The following SLC5A11 variants were observed in gnomAD, a reference collection of about 807,000 sequenced individuals.
SLC5A11 encodes the protein sodium/myo-inositol cotransporter 2.
SLC5A11 carries 48 observed loss-of-function variants against 69.8 expected under a neutral mutation model. That is an observed-to-expected ratio of 0.69 (90% CI 0.55 to 0.87). The LOEUF (loss-of-function observed/expected upper bound fraction) is 0.87, where lower values mean the gene tolerates loss of function less well. Ranked by LOEUF, SLC5A11 falls within the 40% of genes least tolerant of loss-of-function variation. The pLI, the probability that SLC5A11 is intolerant of heterozygous loss-of-function variation, is 0.00. For synonymous variants in SLC5A11, 319 were observed against 342.4 expected (o/e 0.93, Z 0.75); for missense variants, 784 against 866.1 (o/e 0.91, Z 1.19).
chr16:24,872,692 T>C (rs2047383147), intron 5 of SLC5A11, among the ~76,000 whole-genome samples: 1 of 151,338 alleles, frequency 6.6e-6, no homozygotes, highest in Non-Finnish European at 1.5e-5. Flanking sequence ...TTTGCATTTT[T>C]TTTTTAGTAG....
intron 3 of SLC5A11, among the ~76,000 whole-genome samples, chr16:24,865,460 G>A (rs534539625): frequency 2.2e-4 from 34 of 152,304 alleles, no homozygotes; most frequent in African/African-American, 7.5e-4. Flanking sequence ...AGGAGGCTGA[G>A]GCAGGAGAAT....
intron 8 of SLC5A11, among the ~76,000 whole-genome samples, chr16:24,888,617 G>A (rs2048553109): frequency 6.7e-6 from 1 of 149,808 alleles, no homozygotes; most frequent in Non-Finnish European, 1.5e-5. Context: ...CCAAGTAGCT[G>A]GGACTACAGG....
At chr16:24,891,155 C>A in intron 9 of SLC5A11, 81 bp downstream of exon 10, 6 of 1,373,498 alleles carry the variant, frequency 4.4e-6, no homozygotes, top group Non-Finnish European at 6.1e-6. Context: ...CTTTTTTCTT[C>A]CTCCATCTCT....
intron 13 of SLC5A11, 42 bp downstream of exon 14, chr16:24,908,173 C>G: frequency 6.6e-7 from 1 of 1,524,644 alleles, no homozygotes; most frequent in East Asian, 2.3e-5. Flanking sequence ...CCAAGTGCTG[C>G]CCCTTGAGGA....
chr16:24,905,269 C>CAAAAA (rs34703027), intron 10 of SLC5A11, among the ~76,000 whole-genome samples: 3 of 80,428 alleles, frequency 3.7e-5, no homozygotes, highest in Admixed American at 1.7e-4. Context: ...ACTAAAAATA[C>CAAAAA]AAAAAAAAAA....
intron 9 of SLC5A11, among the ~76,000 whole-genome samples, chr16:24,897,553 C>T (rs1433336510): frequency 6.6e-6 from 1 of 152,112 alleles, no homozygotes; most frequent in Non-Finnish European, 1.5e-5. Flanking sequence ...CCCCGTTTGC[C>T]TTAAGAGAAA....
intron 7 of SLC5A11, among the ~76,000 whole-genome samples, chr16:24,878,199 A>G (rs1301047351): frequency 2.6e-5 from 4 of 152,226 alleles, no homozygotes; most frequent in East Asian, 1.9e-4. Flanking sequence ...CCACAATGGC[A>G]TAATGTTTTT....
intron 7 of SLC5A11, among the ~76,000 whole-genome samples, chr16:24,880,623 C>T (rs567580962): frequency 1.3e-5 from 2 of 152,228 alleles, no homozygotes; most frequent in South Asian, 2.1e-4. Flanking sequence ...CATGAGCCAC[C>T]GTGCCTGGCC....
intron 4 of SLC5A11, among the ~76,000 whole-genome samples, chr16:24,870,902 G>A (rs919620876): frequency 2.6e-5 from 4 of 151,600 alleles, no homozygotes; most frequent in African/African-American, 4.8e-5. Context: ...GACGTCAATC[G>A]GCCATCACAA....
chr16:24,867,954 C>T (rs984640712), intron 3 of SLC5A11, among the ~76,000 whole-genome samples: 11 of 151,656 alleles, frequency 7.3e-5, no homozygotes, highest in African/African-American at 1.9e-4. Context: ...CTGGGCAACA[C>T]GGTGAAACCC....
rs193201573 is a variant in SLC5A11, at chr16:24,907,114, A to G, written c.1204A>G (p.Met402Val). The stretch of plus-strand genomic sequence containing the variant: ...TAACAGTGCCAGCACCATCTTCACC[A>G]TGGACCTCTGGAATCACCTCCGGCC... Residue 402 changes from methionine to valine, a missense_variant, in exon 12 of 16, where the codon ATG becomes GTG. Physicochemically the swap from Met to Val is conservative, Grantham distance 21. Coordinates refer to ENST00000347898, the Ensembl canonical transcript of SLC5A11. The G allele has an allele frequency of 3.0e-5, 48 of 1,613,978 alleles. No individual in the cohort carries two copies. In the Admixed American group the frequency reaches 3.8e-4, roughly 13 times the overall value.
intron 1 of SLC5A11, among the ~76,000 whole-genome samples, chr16:24,854,502 T>G: frequency 6.6e-6 from 1 of 151,856 alleles, no homozygotes; most frequent in East Asian, 1.9e-4. Flanking sequence ...TAATCACAGC[T>G]CACTGCAACC....
intron 10 of SLC5A11, 103 bp downstream of exon 11, chr16:24,898,212 T>C (rs1372177045): frequency 1.4e-6 from 2 of 1,396,208 alleles, no homozygotes; most frequent in African/African-American, 1.4e-5. Context: ...GTGACTACAG[T>C]CCTTTCTCTC....
intron 1 of SLC5A11, among the ~76,000 whole-genome samples, chr16:24,854,205 G>A (rs8052600): frequency 6.6e-6 from 1 of 152,044 alleles, no homozygotes; most frequent in Non-Finnish European, 1.5e-5. Context: ...TCCTCCCTCT[G>A]CCCCACTCCC....
chr16:24,873,826 AT>A (rs59598384), intron 5 of SLC5A11, among the ~76,000 whole-genome samples: 19,211 of 138,044 alleles, frequency 0.14, 1,453 homozygotes, highest in Non-Finnish European at 0.19. Context: ...AACTGGAGTA[AT>A]TTTTTTTTTT....
chr16:24,867,410 A>G (rs1349529327), intron 3 of SLC5A11, among the ~76,000 whole-genome samples: 2 of 152,202 alleles, frequency 1.3e-5, no homozygotes, highest in Non-Finnish European at 2.9e-5. Context: ...CCCATATTAA[A>G]AAAGAAGAAA....
intron 1 of SLC5A11, among the ~76,000 whole-genome samples, chr16:24,854,591 AC>A (rs145170492): frequency 0.012 from 1,885 of 152,016 alleles, 42 homozygotes; most frequent in African/African-American, 0.043. Flanking sequence ...CACCACACCC[AC>A]CTAAAAAAAT....
intron 1 of SLC5A11, among the ~76,000 whole-genome samples, chr16:24,853,470 G>A (rs1192798213): frequency 6.6e-6 from 1 of 152,140 alleles, no homozygotes; most frequent in Non-Finnish European, 1.5e-5. Flanking sequence ...CACACAGCTG[G>A]TGACTAATAA....
At chr16:24,880,434 A>T (rs2047967144) in intron 7 of SLC5A11, among the ~76,000 whole-genome samples, 1 of 152,132 alleles carries the variant, frequency 6.6e-6, no homozygotes, top group East Asian at 1.9e-4. Flanking sequence ...TCCTGGGTTC[A>T]AGCAATTCTC....
Sources: gnomAD v4.1 joint callset for allele counts (sites outside exome capture counted in the v4.1 genomes callset) on GRCh38, gnomAD v4.1.1 for gene constraint, MANE v1.5 for transcripts, NCBI Gene and HGNC (gene_info 2026-07-23, HGNC 2026-07-21) for gene names.